The following AKAP10 variants were observed in gnomAD, a reference collection of about 807,000 sequenced individuals.
The protein encoded by AKAP10 is A-kinase anchor protein 10, mitochondrial.
In AKAP10, 24 loss-of-function variants were observed where a neutral mutation model predicts 80.8. The observed-to-expected ratio is 0.30, with a 90% confidence interval of 0.22 to 0.42. The LOEUF (loss-of-function observed/expected upper bound fraction) is 0.42, where lower values mean the gene tolerates loss of function less well. Ranked by LOEUF, AKAP10 falls within the 10% of genes least tolerant of loss-of-function variation. The pLI, the probability that AKAP10 is intolerant of heterozygous loss-of-function variation, is 1.00. For synonymous variants in AKAP10, 291 were observed against 277.7 expected (o/e 1.05, Z -0.48); for missense variants, 661 against 794.9 (o/e 0.83, Z 2.03).
intron 14 of AKAP10, among the ~76,000 whole-genome samples, chr17:19,907,333 T>C (rs2042641716): frequency 6.6e-6 from 1 of 152,124 alleles, no homozygotes; most frequent in African/African-American, 2.4e-5. Context: ...TTTCTGGTAT[T>C]TTTTATTTTA....
chr17:19,938,277 G>A (rs1365364531), intron 8 of AKAP10, among the ~76,000 whole-genome samples: 1 of 142,384 alleles, frequency 7.0e-6, no homozygotes, highest in Non-Finnish European at 1.5e-5. Context: ...CCCTCTGTCA[G>A]CCAGCCTGGA....
At chr17:19,921,048 TGTGAAAAAG>T (rs940714915) in intron 11 of AKAP10, among the ~76,000 whole-genome samples, 55 of 147,120 alleles carry the variant, frequency 3.7e-4, no homozygotes, top group African/African-American at 1.3e-3. Flanking sequence ...ACAGAAATAA[TGTGAAAAAG>T]AGATGAACAG....
At chr17:19,914,662 A>T (rs1037906006) in intron 12 of AKAP10, among the ~76,000 whole-genome samples, 1 of 151,582 alleles carries the variant, frequency 6.6e-6, no homozygotes, top group African/African-American at 2.4e-5. Flanking sequence ...ATAAAAGGAA[A>T]AGAAAAGAAA....
chr17:19,962,284 A>G (rs2043359728), intron 3 of AKAP10, among the ~76,000 whole-genome samples: 2 of 134,270 alleles, frequency 1.5e-5, no homozygotes, highest in African/African-American at 5.6e-5. Context: ...ACATACATAC[A>G]TACATACATA....
At chr17:19,957,376 C>G (rs939937584) in intron 4 of AKAP10, among the ~76,000 whole-genome samples, 10 of 151,896 alleles carry the variant, frequency 6.6e-5, no homozygotes, top group African/African-American at 2.4e-4. Flanking sequence ...CCCGTCTCTA[C>G]TAAAAATACA....
chr17:19,966,040 A>G (rs2043414456), intron 2 of AKAP10, among the ~76,000 whole-genome samples: 1 of 152,182 alleles, frequency 6.6e-6, no homozygotes, highest in African/African-American at 2.4e-5. Flanking sequence ...ACTCTAAAAA[A>G]TCACTCTCTA....
At chr17:19,954,118 C>T (rs2043245662) in intron 4 of AKAP10, among the ~76,000 whole-genome samples, 1 of 152,162 alleles carries the variant, frequency 6.6e-6, no homozygotes, top group Non-Finnish European at 1.5e-5. Context: ...ACCAATTCTA[C>T]ACAATCTCTT....
chr17:19,917,440 A>G (rs1309212306), intron 12 of AKAP10, among the ~76,000 whole-genome samples: 2 of 152,014 alleles, frequency 1.3e-5, no homozygotes, highest in Non-Finnish European at 2.9e-5. Context: ...TAAAACCACC[A>G]CTGACCTCTT....
chr17:19,961,021 T>TAAACAAAC (rs1361450526), intron 3 of AKAP10, among the ~76,000 whole-genome samples: 51 of 143,334 alleles, frequency 3.6e-4, no homozygotes, highest in African/African-American at 1.4e-3. Flanking sequence ...CGTCTACAAA[T>TAAACAAAC]AAATAAACAA....
chr17:19,954,328 A>G (rs2043247839), intron 4 of AKAP10, among the ~76,000 whole-genome samples: 1 of 152,188 alleles, frequency 6.6e-6, no homozygotes, highest in Non-Finnish European at 1.5e-5. Flanking sequence ...AGGCAATTCA[A>G]TGGAGTAAAG....
At chr17:19,935,353 C>T (rs1168539766) in intron 9 of AKAP10, among the ~76,000 whole-genome samples, 1 of 152,144 alleles carries the variant, frequency 6.6e-6, no homozygotes, top group Non-Finnish European at 1.5e-5. Context: ...CTGGGTGAGT[C>T]AGCGAGTGAG....
At chr17:19,907,024 G>GA (rs2042638573) in intron 14 of AKAP10, among the ~76,000 whole-genome samples, 1 of 138,690 alleles carries the variant, frequency 7.2e-6, no homozygotes. Context: ...GTTTTTTTTT[G>GA]TTTTTTTTTT....
rs1379998536 is a variant in AKAP10 at position 19,977,624 on chromosome 17, G to C, written c.56C>G (p.Pro19Arg). The change falls in exon 1 of 15, where the codon CCG (proline) becomes CGG (arginine). Residue 19 changes from proline (P) to arginine (R), a missense_variant. Transcript: ENST00000225737. The stretch of plus-strand genomic sequence containing the variant: ...CCGGAAGAAGGACATGGCGGGGCCC[G>C]GGTCGGGACGGAGGGTGCGGGGGGA... Reference protein sequence around the residue: ...RQSPRTLRPDPGPAMSFFRRK... With the variant: ...RQSPRTLRPDRGPAMSFFRRK... 1 of 1,235,056 alleles carries C rather than the reference G, an allele frequency of 8.1e-7. No homozygotes were observed. The highest frequency in any genetic ancestry group is 1.0e-6 in the Non-Finnish European group (1 of 988,004). The allele number at this position is 1,235,056 out of a possible 1,614,324, so 76.5% of individuals were successfully genotyped here.
intron 12 of AKAP10, among the ~76,000 whole-genome samples, chr17:19,917,584 T>C (rs2042759676): frequency 6.6e-6 from 1 of 152,210 alleles, no homozygotes; most frequent in Non-Finnish European, 1.5e-5. Flanking sequence ...CCAACACTCC[T>C]TCCATCTCAG....
chr17:19,924,981 T>C (rs2042861083), intron 10 of AKAP10, among the ~76,000 whole-genome samples: 1 of 152,030 alleles, frequency 6.6e-6, no homozygotes. Flanking sequence ...ATGGTCAATA[T>C]GGTGAAACCC....
intron 5 of AKAP10, among the ~76,000 whole-genome samples, chr17:19,944,478 C>T (rs1005499056): frequency 3.3e-5 from 5 of 151,912 alleles, no homozygotes; most frequent in African/African-American, 7.3e-5. Context: ...GGTGAAACCC[C>T]GTTTCTACTA....
intron 11 of AKAP10, among the ~76,000 whole-genome samples, chr17:19,920,427 A>AAAAG (rs2042797176): frequency 6.6e-6 from 1 of 152,244 alleles, no homozygotes; most frequent in Non-Finnish European, 1.5e-5. Flanking sequence ...ACAATTTTGT[A>AAAAG]AAAGAAGCAC....
intron 8 of AKAP10, among the ~76,000 whole-genome samples, chr17:19,938,615 A>G (rs2043018860): frequency 6.6e-6 from 1 of 152,212 alleles, no homozygotes; most frequent in Admixed American, 6.5e-5. Flanking sequence ...AATGTTCAGG[A>G]ACCACTGGCC....
chr17:19,948,763 G>A (rs1204114983), intron 4 of AKAP10, among the ~76,000 whole-genome samples: 2 of 152,148 alleles, frequency 1.3e-5, no homozygotes, highest in Non-Finnish European at 2.9e-5. Flanking sequence ...TGAGCTGGGT[G>A]TGCATGGCCC....
Sources: gnomAD v4.1 joint callset for allele counts (sites outside exome capture counted in the v4.1 genomes callset) on GRCh38, gnomAD v4.1.1 for gene constraint, MANE v1.5 for transcripts, NCBI Gene and HGNC (gene_info 2026-07-23, HGNC 2026-07-21) for gene names.